Variants in NR3C2 observed in about 807,000 individuals in gnomAD.
The protein encoded by NR3C2 is nuclear receptor subfamily 3 group C member 2.
NR3C2 carries 15 observed loss-of-function variants against 86.4 expected under a neutral mutation model. That is an observed-to-expected ratio of 0.17 (90% CI 0.12 to 0.27). The LOEUF is 0.27. NR3C2 is among the 10% of genes least tolerant of loss of function. NR3C2 has a pLI of 1.00. For missense variants in NR3C2, 960 were observed against 1,195.6 expected, an observed-to-expected ratio of 0.80 and a Z score of 2.91; for synonymous variants, 458 against 450.5, an observed-to-expected ratio of 1.02 and a Z score of -0.21.
chr4:148,154,087 C>A lies in NR3C2; in HGVS notation c.2365+464G>T, dbSNP rs190291100. On this transcript the variant is annotated intron_variant, in intron 5 of 8. Coordinates refer to ENST00000358102, the MANE Select transcript of NR3C2 (RefSeq NM_000901.5). ...ATAGTGGTGGGATCTCGGCTCACTGCAGCCTCTGCCGCCCAGGTTCAAGCG... is the reference window on the plus strand; with the variant it reads ...ATAGTGGTGGGATCTCGGCTCACTGAAGCCTCTGCCGCCCAGGTTCAAGCG... Among the ~76,000 whole-genome samples the A allele has an allele frequency of 2.9e-3, 435 of 151,658 alleles. 1 individual carries two copies. The highest frequency in any genetic ancestry group is 4.5e-3 in the Non-Finnish European group (308 of 67,920).
chr4:148,205,169 G>C (rs1161860527), intron 3 of NR3C2, among the ~76,000 whole-genome samples: 1 of 152,220 alleles, frequency 6.6e-6, no homozygotes, highest in African/African-American at 2.4e-5. Context: ...ATGAAACCCA[G>C]ATGAGAGCAG....
At chr4:148,318,158 G>C (rs1743323775) in intron 2 of NR3C2, among the ~76,000 whole-genome samples, 1 of 151,586 alleles carries the variant, frequency 6.6e-6, no homozygotes, top group Admixed American at 6.6e-5. Context: ...AGTTTACTCA[G>C]AATGATGATT....
chr4:148,444,757 C>G (rs5520), upstream of NR3C2: 390,246 of 984,786 alleles, frequency 0.4, 80,657 homozygotes, highest in African/African-American at 0.67. Flanking sequence ...CAGAGGGGGA[C>G]GCGGGCACCC....
At chr4:148,432,651 A>C (rs1006193191) in intron 2 of NR3C2, among the ~76,000 whole-genome samples, 2 of 152,190 alleles carry the variant, frequency 1.3e-5, no homozygotes, top group Non-Finnish European at 2.9e-5. Context: ...TATGATATTT[A>C]ATTCATTAAC....
chr4:148,409,217 C>A (rs1364164885), intron 2 of NR3C2, among the ~76,000 whole-genome samples: 1 of 152,094 alleles, frequency 6.6e-6, no homozygotes, highest in Non-Finnish European at 1.5e-5. Flanking sequence ...TTTATAAAAG[C>A]AAACTATTCT....
Position 148,425,126 on chromosome 4 carries a change from A to G in NR3C2, c.1757+9978T>C, listed in dbSNP as rs142724157. Reference sequence around the variant, plus strand: ...ACTCTGTCATTTAATAATTTTATTAATATTACATAATCACCAATATTTAGT... The same window carrying G: ...ACTCTGTCATTTAATAATTTTATTAGTATTACATAATCACCAATATTTAGT... On this transcript the variant is annotated intron_variant, in intron 2 of 8. Coordinates refer to ENST00000358102, the MANE Select transcript of NR3C2 (RefSeq NM_000901.5). 2.5e-3 allele frequency among the ~76,000 whole-genome samples: 383 copies of G among 152,340 alleles called. 12 individuals are homozygous for G. In the East Asian group the frequency reaches 0.065, roughly 26 times the overall value.
At position 148,079,806 on chromosome 4, in the gene NR3C2, T is replaced by G. The variant is rs1187552459; in HGVS notation, c.*1538A>C. The G allele has an allele frequency of 6.6e-6, 1 of 152,588 alleles. No individual in the cohort carries two copies. Among genetic ancestry groups the G allele is most frequent in the African/African-American group, 2.4e-5 (1 of 41,420 alleles). 9.5% of individuals were successfully genotyped at this position (152,588 alleles called of 1,614,324 possible). ...TTTAAAAATCTAAAACCCCTCTATC[T>G]CCCGGTCTCCATGCCATTCAGACTG... is the stretch of plus-strand genomic sequence containing the variant. On this transcript the variant is annotated 3_prime_UTR_variant, in exon 9 of 9. Coordinates refer to ENST00000358102, the MANE Select transcript of NR3C2 (RefSeq NM_000901.5).
chr4:148,396,925 T>A (rs963263903), intron 2 of NR3C2, among the ~76,000 whole-genome samples: 1 of 152,190 alleles, frequency 6.6e-6, no homozygotes, highest in Non-Finnish European at 1.5e-5. Context: ...AAGTTGATGT[T>A]TTGCTCATTT....
chr4:148,207,541 A>T (rs1223558019), intron 3 of NR3C2, among the ~76,000 whole-genome samples: 2 of 152,216 alleles, frequency 1.3e-5, no homozygotes, highest in African/African-American at 4.8e-5. Context: ...TCAGGACAAG[A>T]GAGGTTCCTA....
chr4:148,277,776 C>G (rs1741031254), intron 2 of NR3C2, among the ~76,000 whole-genome samples: 3 of 152,272 alleles, frequency 2.0e-5, no homozygotes, highest in Admixed American at 2.0e-4. Flanking sequence ...GACCCCACCC[C>G]ACACCAGCAT....
At chr4:148,296,145 C>T (rs756203066) in intron 2 of NR3C2, among the ~76,000 whole-genome samples, 1 of 150,228 alleles carries the variant, frequency 6.7e-6, no homozygotes, top group Non-Finnish European at 1.5e-5. Context: ...ACTGGACTCA[C>T]ATCCTTCTTA....
At chr4:148,153,062 A>T (rs952864601) in intron 5 of NR3C2, among the ~76,000 whole-genome samples, 2 of 152,214 alleles carry the variant, frequency 1.3e-5, no homozygotes, top group African/African-American at 4.8e-5. Flanking sequence ...TTAAAAAATG[A>T]GCATGTGGTG....
upstream of NR3C2, chr4:148,445,081 GCGC>G: frequency 1.2e-6 from 1 of 852,372 alleles, no homozygotes; most frequent in Non-Finnish European, 1.4e-6. Flanking sequence ...ACGGGCAGGG[GCGC>G]CGGCAGCCGC....
At chr4:148,218,039 TAATTTTCTAA>T (rs977749370) in intron 3 of NR3C2, among the ~76,000 whole-genome samples, 3 of 152,350 alleles carry the variant, frequency 2.0e-5, no homozygotes, top group Admixed American at 2.0e-4. Flanking sequence ...TGTCTTGTTT[TAATTTTCTAA>T]AAGGTAACTT....
chr4:148,140,325 C>T (rs558155194), intron 6 of NR3C2, among the ~76,000 whole-genome samples: 23 of 152,290 alleles, frequency 1.5e-4, no homozygotes, highest in African/African-American at 4.8e-4. Flanking sequence ...GCTATGATCA[C>T]GCCAGTGCAC....
At chr4:148,153,039 G>C (rs1734175888) in intron 5 of NR3C2, among the ~76,000 whole-genome samples, 1 of 152,178 alleles carries the variant, frequency 6.6e-6, no homozygotes, top group African/African-American at 2.4e-5. Context: ...CATTGTTCAT[G>C]AGTTTGTGGT....
chr4:148,094,198 A>G (rs534543264), intron 8 of NR3C2, among the ~76,000 whole-genome samples: 1 of 152,376 alleles, frequency 6.6e-6, no homozygotes, highest in Admixed American at 6.5e-5. Flanking sequence ...GGGAAATAAC[A>G]GGCATTCAAA....
At chr4:148,214,434 TGTC>T (rs1218510152) in intron 3 of NR3C2, among the ~76,000 whole-genome samples, 1 of 152,190 alleles carries the variant, frequency 6.6e-6, no homozygotes, top group Admixed American at 6.5e-5. Context: ...CAATTTGGGT[TGTC>T]TTTTCAACCT....
chr4:148,129,223 A>G (rs1732892934), intron 6 of NR3C2, among the ~76,000 whole-genome samples: 1 of 152,212 alleles, frequency 6.6e-6, no homozygotes, highest in African/African-American at 2.4e-5. Context: ...ATGCTACACC[A>G]TGGATGAAGC....
Sources: allele counts gnomAD v4.1 joint callset (sites outside exome capture counted in the v4.1 genomes callset), GRCh38; gene constraint gnomAD v4.1.1; transcripts MANE v1.5; gene names NCBI Gene and HGNC (gene_info 2026-07-23, HGNC 2026-07-21).